The following KAZN variants were observed in gnomAD, a reference collection of about 807,000 sequenced individuals.
KAZN encodes the protein kazrin.
In KAZN, 40 loss-of-function variants were observed where a neutral mutation model predicts 87.4. The ratio of observed to expected loss-of-function variants is 0.46; its 90% confidence interval spans 0.36 to 0.60. KAZN has a LOEUF of 0.60. KAZN is among the 20% of genes least tolerant of loss of function. The probability of loss-of-function intolerance (pLI) is 0.00; values close to 1 mark genes in which losing one functional copy is unlikely to be tolerated. For synonymous variants in KAZN, 466 were observed against 458.3 expected, an observed-to-expected ratio of 1.02 and a Z score of -0.22; for missense variants, 898 against 1,073.9, an observed-to-expected ratio of 0.84 and a Z score of 2.29.
At chr1:14,651,150 G>C (rs1273750958) in intron 1 of KAZN, among the ~76,000 whole-genome samples, 2 of 152,142 alleles carry the variant, frequency 1.3e-5, no homozygotes, top group East Asian at 3.8e-4. Context: ...ACACTTCCTG[G>C]TAATTCCTCA....
chr1:14,329,461 G>A (rs1448332620), intron 2 of KAZN, among the ~76,000 whole-genome samples: 3 of 152,180 alleles, frequency 2.0e-5, no homozygotes, highest in Non-Finnish European at 2.9e-5. Flanking sequence ...CCACTATACC[G>A]CTTCATAGGA....
chr1:13,974,099 C>T (rs2101056606), intron 1 of KAZN, among the ~76,000 whole-genome samples: 1 of 152,388 alleles, frequency 6.6e-6, no homozygotes, highest in African/African-American at 2.4e-5. Context: ...TCCTCCAACA[C>T]TGGATTGTGA....
chr1:14,296,776 C>T (rs1438183991), intron 2 of KAZN, among the ~76,000 whole-genome samples: 2 of 151,838 alleles, frequency 1.3e-5, no homozygotes, highest in Admixed American at 1.3e-4. Flanking sequence ...GCTGGGACTA[C>T]AGGCACACGC....
At chr1:14,745,832 G>A (rs138710544) in intron 1 of KAZN, among the ~76,000 whole-genome samples, 69 of 152,196 alleles carry the variant, frequency 4.5e-4, no homozygotes, top group Admixed American at 1.0e-3. Context: ...TGTTACTATC[G>A]TCTTGATTTG....
intron 1 of KAZN, among the ~76,000 whole-genome samples, chr1:14,036,788 T>C (rs1400583512): frequency 6.6e-6 from 1 of 152,002 alleles, no homozygotes; most frequent in African/African-American, 2.4e-5. Flanking sequence ...ATTATTATCA[T>C]TATTATTTTG....
intron 2 of KAZN, among the ~76,000 whole-genome samples, chr1:15,016,800 C>T (rs1027640394): frequency 2.5e-4 from 38 of 152,302 alleles, no homozygotes; most frequent in African/African-American, 8.7e-4. Context: ...TTCTTCCTCT[C>T]GGCATGTATG....
chr1:13,952,702 C>G (rs7525795), intron 1 of KAZN, among the ~76,000 whole-genome samples: 124,160 of 151,666 alleles, frequency 0.82, 50,862 homozygotes, highest in South Asian at 0.93. Flanking sequence ...TGTGTGCACA[C>G]AGACGCATGA....
At chr1:14,945,778 A>C (rs757286369) in intron 1 of KAZN, 7 of 587,694 alleles carry the variant, frequency 1.2e-5, no homozygotes, top group Non-Finnish European at 1.5e-5. Context: ...GCTGCCCCGC[A>C]GCACTTTCAA....
At chr1:14,658,017 C>T (rs1638913068) in intron 1 of KAZN, among the ~76,000 whole-genome samples, 1 of 152,154 alleles carries the variant, frequency 6.6e-6, no homozygotes, top group Admixed American at 6.5e-5. Flanking sequence ...AGTGCAGGCA[C>T]CTGGCGCTGG....
chr1:14,158,714 G>C (rs1000018167), intron 1 of KAZN, among the ~76,000 whole-genome samples: 2 of 152,038 alleles, frequency 1.3e-5, no homozygotes, highest in African/African-American at 4.8e-5. Flanking sequence ...CATTATTGCA[G>C]TACTCTCAGT....
chr1:14,913,110 G>A (rs922206339), intron 1 of KAZN, among the ~76,000 whole-genome samples: 3 of 152,162 alleles, frequency 2.0e-5, no homozygotes, highest in South Asian at 2.1e-4. Context: ...GAATCTTTAG[G>A]AGTGTGTGCT....
intron 2 of KAZN, among the ~76,000 whole-genome samples, chr1:15,033,691 C>G (rs1314578546): frequency 6.6e-6 from 1 of 152,166 alleles, no homozygotes; most frequent in South Asian, 2.1e-4. Flanking sequence ...TTTCATGTCC[C>G]TATTGGCCAT....
At chr1:14,579,145 G>A (rs1438959571) in intron 2 of KAZN, among the ~76,000 whole-genome samples, 2 of 152,092 alleles carry the variant, frequency 1.3e-5, no homozygotes, top group African/African-American at 2.4e-5. Context: ...CTGCCACTTA[G>A]GGATTTGCCT....
At chr1:14,940,853 T>A (rs10927589) in intron 1 of KAZN, among the ~76,000 whole-genome samples, 79,165 of 148,268 alleles carry the variant, frequency 0.53, 24,454 homozygotes, top group African/African-American at 0.87. Flanking sequence ...AGCCTGGGCC[T>A]GGCCAGGCAG....
At chr1:14,679,983 G>GAGA (rs1234443976) in intron 1 of KAZN, among the ~76,000 whole-genome samples, 2 of 152,166 alleles carry the variant, frequency 1.3e-5, no homozygotes, top group African/African-American at 2.4e-5. Context: ...GGACAAGAGG[G>GAGA]AGAAGGTGGC....
chr1:14,495,659 GTCTCTCCAAC>G (rs1290089932), intron 2 of KAZN, among the ~76,000 whole-genome samples: 1 of 152,100 alleles, frequency 6.6e-6, no homozygotes, highest in Non-Finnish European at 1.5e-5. Flanking sequence ...GAGTCTCTGG[GTCTCTCCAAC>G]TCTCCTTCTT....
chr1:14,057,925 C>T (rs1300888800), intron 1 of KAZN, among the ~76,000 whole-genome samples: 5 of 152,192 alleles, frequency 3.3e-5, no homozygotes, highest in African/African-American at 1.2e-4. Flanking sequence ...GTATAATGAA[C>T]AACAGTTCAT....
intron 2 of KAZN, among the ~76,000 whole-genome samples, chr1:14,339,545 C>A (rs1254253488): frequency 6.6e-6 from 1 of 152,052 alleles, no homozygotes; most frequent in Non-Finnish European, 1.5e-5. Flanking sequence ...CGCAGGAGAG[C>A]CGACGTTTCT....
intron 1 of KAZN, among the ~76,000 whole-genome samples, chr1:14,605,274 T>A (rs1208159709): frequency 6.6e-6 from 1 of 152,202 alleles, no homozygotes; most frequent in African/African-American, 2.4e-5. Flanking sequence ...AATAATAATA[T>A]GCACTTACAA....
Sources: allele counts gnomAD v4.1 joint callset (sites outside exome capture counted in the v4.1 genomes callset), GRCh38; gene constraint gnomAD v4.1.1; transcripts MANE v1.5; gene names NCBI Gene and HGNC (gene_info 2026-07-23, HGNC 2026-07-21).